The following BMPR2 variants were observed in gnomAD, a reference collection of about 807,000 sequenced individuals.
BMPR2 encodes bone morphogenetic protein receptor type 2.
A neutral mutation model predicts 100.8 loss-of-function variants in BMPR2; 29 were observed. That is an observed-to-expected ratio of 0.29 (90% confidence interval 0.21 to 0.39). The LOEUF is 0.39. Ranked by LOEUF, BMPR2 falls within the 10% of genes least tolerant of loss-of-function variation. The pLI is 1.00. For missense variants in BMPR2, 1,011 were observed against 1,274.5 expected (o/e 0.79, Z 3.15); for synonymous variants, 382 against 442.3 (o/e 0.86, Z 1.71).
In BMPR2 at chr2:202,530,832, A is replaced by G. The variant is rs768725794; in HGVS notation, c.1006A>G (p.Ser336Gly). 1 of 1,613,842 alleles carries G rather than the reference A, an allele frequency of 6.2e-7. No homozygotes were observed. The highest frequency in any genetic ancestry group is 1.1e-5 in the South Asian group (1 of 91,070). ...KPAISHRDLN[S>G]RNVLVKNDGT... Reference sequence around the variant, plus strand: ...TGCAATTTCCCATCGAGATTTAAACAGCAGAAATGTCCTAGTGAAAAATGA... The same window carrying G: ...TGCAATTTCCCATCGAGATTTAAACGGCAGAAATGTCCTAGTGAAAAATGA... Residue 336 changes from serine (S) to glycine (G), a missense_variant, in exon 8 of 13, where the codon AGC becomes GGC. Ser to Gly is a moderately conservative substitution (Grantham distance 56, BLOSUM62 0). Around this residue, in one of 6 missense-constraint regions of BMPR2, gnomAD observed 355 missense variants for 455.3 expected, o/e 0.78. Coordinates refer to ENST00000374580, the MANE Select transcript of BMPR2 (RefSeq NM_001204.7).
chr2:202,532,443 T>G lies in BMPR2; in HGVS notation c.1129-142T>G. On this transcript the variant is annotated intron_variant, in intron 8 of 12. Coordinates refer to ENST00000374580, the MANE Select transcript of BMPR2 (RefSeq NM_001204.7). The surrounding 1 kb of genome is among the most constrained non-coding windows in gnomAD (Gnocchi z 4.1). ...GGAAGGGCATTTTATAGGTAAAAAA[T>G]AAGTTATAGAAAGGTTTAATGACAT... 1.0e-6 allele frequency: 1 copy of G among 983,638 alleles called. No homozygotes were observed. Among genetic ancestry groups the G allele is most frequent in the South Asian group, 1.6e-5 (1 of 62,790 alleles). 60.9% of individuals were successfully genotyped at this position (983,638 alleles called of 1,614,324 possible). A position where few individuals can be genotyped will look rare whatever the true frequency, so the allele number is the denominator to read the frequency against.
chr2:202,526,930 G>A (rs1481401940), intron 7 of BMPR2, among the ~76,000 whole-genome samples: 1 of 152,006 alleles, frequency 6.6e-6, no homozygotes, highest in East Asian at 1.9e-4. Context: ...ATGGCATAAT[G>A]TTGGCTCACT....
chr2:202,490,554 G>T (rs1461744978), intron 3 of BMPR2, among the ~76,000 whole-genome samples: 1 of 152,168 alleles, frequency 6.6e-6, no homozygotes, highest in Non-Finnish European at 1.5e-5. Flanking sequence ...TTCTCACTCT[G>T]CTAGCTTTTA....
At chr2:202,412,664 A>G (rs1691038185) in intron 1 of BMPR2, among the ~76,000 whole-genome samples, 1 of 152,152 alleles carries the variant, frequency 6.6e-6, no homozygotes, top group East Asian at 1.9e-4. Context: ...TGGCACCTAT[A>G]TTTCTCAATA....
chr2:202,534,737 G>A (rs1275179049), intron 9 of BMPR2, among the ~76,000 whole-genome samples: 1 of 152,058 alleles, frequency 6.6e-6, no homozygotes, highest in Non-Finnish European at 1.5e-5. Flanking sequence ...CCACAAAGCC[G>A]CCATTGTCAT....
chr2:202,556,855 C>T lies in BMPR2; in HGVS notation c.2866+324C>T, dbSNP rs552746717. Among the ~76,000 whole-genome samples, 144 of 150,134 alleles carry T rather than the reference C, an allele frequency of 9.6e-4. 2 individuals are homozygous for T. Among genetic ancestry groups the T allele is most frequent in the East Asian group, 3.9e-4 (2 of 5,102 alleles). The stretch of plus-strand genomic sequence containing the variant: ...ATCCCAGCACTTTGGGAGGCCAAGG[C>T]GGGCAGATTACTTGAGATCAGGAGT... On this transcript the variant is annotated intron_variant, in intron 12 of 12. Coordinates refer to ENST00000374580, the MANE Select transcript of BMPR2 (RefSeq NM_001204.7).
intron 7 of BMPR2, among the ~76,000 whole-genome samples, chr2:202,528,345 G>C (rs1396329614): frequency 6.6e-6 from 1 of 152,054 alleles, no homozygotes; most frequent in Non-Finnish European, 1.5e-5. Context: ...CCGCCACCAC[G>C]CCGAGCTGAT....
chr2:202,463,320 A>G (rs1692257813), intron 1 of BMPR2, among the ~76,000 whole-genome samples: 1 of 152,208 alleles, frequency 6.6e-6, no homozygotes. Context: ...AGTTCTTTTC[A>G]GTGTTCTAAT....
In BMPR2 at chr2:202,561,554, T is replaced by C. The variant is rs1333449387; in HGVS notation, c.*1608T>C. ...AACTGATGATTTCACTTTTTTTTAC[T>C]TTTTTTTCGATTATCAGAGTACTTA... On this transcript the variant is annotated 3_prime_UTR_variant, in exon 13 of 13. Coordinates refer to ENST00000374580, the MANE Select transcript of BMPR2 (RefSeq NM_001204.7). 2 of 151,928 alleles carry C rather than the reference T, an allele frequency of 1.3e-5. No homozygotes were observed. Among genetic ancestry groups the C allele is most frequent in the Non-Finnish European group, 2.9e-5 (2 of 67,936 alleles). The allele number at this position is 151,928 out of a possible 1,614,324, so 9.4% of individuals were successfully genotyped here.
In BMPR2 at chr2:202,535,687, G is replaced by A. The variant is rs1164963784; in HGVS notation, c.1276+2955G>A. Among the ~76,000 whole-genome samples the A allele has an allele frequency of 2.6e-5, 4 of 152,164 alleles. No individual in the cohort carries two copies. The East Asian group carries it at 7.7e-4, about 29-fold the overall frequency. On this transcript the variant is annotated intron_variant, in intron 9 of 12. Transcript: ENST00000374580. Reference sequence around the variant, plus strand: ...TCCTCACTTCCCAGACGGGGTGGCGGCCGGGCAGAGGCTGCAATCTCAGCA... The same window carrying A: ...TCCTCACTTCCCAGACGGGGTGGCGACCGGGCAGAGGCTGCAATCTCAGCA...
At chr2:202,381,164 G>A (rs1480086718) in intron 1 of BMPR2, among the ~76,000 whole-genome samples, 4 of 151,618 alleles carry the variant, frequency 2.6e-5, no homozygotes, top group African/African-American at 2.4e-5. Context: ...TAGTAGAGAC[G>A]TGGTTTTACC....
intron 1 of BMPR2, among the ~76,000 whole-genome samples, chr2:202,392,449 A>G (rs1690569332): frequency 6.7e-6 from 1 of 149,594 alleles, no homozygotes; most frequent in South Asian, 2.2e-4. Context: ...TTCCAAATAA[A>G]GAAAGTGTTA....
chr2:202,535,678 G>C (rs1382919455), intron 9 of BMPR2, among the ~76,000 whole-genome samples: 1 of 152,234 alleles, frequency 6.6e-6, no homozygotes, highest in Non-Finnish European at 1.5e-5. Flanking sequence ...CTTCCCAGAC[G>C]GGGTGGCGGC....
chr2:202,524,174 AAC>A (rs1324707976), intron 7 of BMPR2, among the ~76,000 whole-genome samples: 1 of 151,992 alleles, frequency 6.6e-6, no homozygotes, highest in Non-Finnish European at 1.5e-5. Context: ...CATCCTGGCT[AAC>A]ACAGTGAAAC....
intron 3 of BMPR2, among the ~76,000 whole-genome samples, chr2:202,479,684 C>T (rs1334566688): frequency 6.6e-6 from 1 of 152,042 alleles, no homozygotes; most frequent in Non-Finnish European, 1.5e-5. Flanking sequence ...GTGTTTTAAC[C>T]TTTGGCAGCT....
At chr2:202,496,433 T>C (rs1693029055) in intron 3 of BMPR2, among the ~76,000 whole-genome samples, 1 of 152,100 alleles carries the variant, frequency 6.6e-6, no homozygotes, top group South Asian at 2.1e-4. Context: ...GCCATGGTCA[T>C]ACCATTGCAC....
In BMPR2 at chr2:202,393,426, G is replaced by A. The variant is rs142716042; in HGVS notation, c.76+15876G>A. ...TGGAGTAGGCTCCAAAACGGTGTAC[G>A]ATTCTTTGACTGTGACCTCTGGTAG... On this transcript the variant is annotated intron_variant, in intron 1 of 12. Transcript: ENST00000374580. 2.9e-3 allele frequency among the ~76,000 whole-genome samples: 441 copies of A among 152,158 alleles called. 2 individuals carry two copies. Among genetic ancestry groups the A allele is most frequent in the African/African-American group, 0.01 (427 of 41,500 alleles).
At chr2:202,440,585 A>G (rs1337651778) in intron 1 of BMPR2, among the ~76,000 whole-genome samples, 1 of 150,690 alleles carries the variant, frequency 6.6e-6, no homozygotes, top group Non-Finnish European at 1.5e-5. Context: ...CAGAGGCTGC[A>G]ATCTCGGCAC....
At chr2:202,439,745 C>CTTTTTTTT (rs201206348) in intron 1 of BMPR2, among the ~76,000 whole-genome samples, 4 of 134,618 alleles carry the variant, frequency 3.0e-5, no homozygotes, top group South Asian at 2.4e-4. Context: ...TTTCTTTTTT[C>CTTTTTTTT]TTTTTTCTTT....
Sources: allele counts gnomAD v4.1 joint callset (sites outside exome capture counted in the v4.1 genomes callset), GRCh38; gene constraint gnomAD v4.1.1; regional missense constraint gnomAD v4.1.1; non-coding constraint Gnocchi (gnomAD v3.1); transcripts MANE v1.5; gene names NCBI Gene and HGNC (gene_info 2026-07-23, HGNC 2026-07-21).